GSK3A: variants seen among roughly 807,000 people sequenced by gnomAD.
The protein encoded by GSK3A is glycogen synthase kinase-3 alpha.
In GSK3A, 14 loss-of-function variants were observed where a neutral mutation model predicts 56.6. The ratio of observed to expected loss-of-function variants is 0.25; its 90% confidence interval spans 0.16 to 0.39. GSK3A has a LOEUF of 0.39. GSK3A is among the 10% of genes least tolerant of loss of function. The probability of loss-of-function intolerance (pLI) is 1.00; values close to 1 mark genes in which losing one functional copy is unlikely to be tolerated. For synonymous variants in GSK3A, 301 were observed against 285.0 expected, an observed-to-expected ratio of 1.06 and a Z score of -0.56; for missense variants, 450 against 656.0, an observed-to-expected ratio of 0.69 and a Z score of 3.43.
intron 6 of GSK3A, among the ~76,000 whole-genome samples, chr19:42,233,845 A>C (rs1418602730): frequency 6.6e-6 from 1 of 152,018 alleles, no homozygotes; most frequent in Non-Finnish European, 1.5e-5. Context: ...GTTCATACCT[A>C]AGGACTCCAC....
intron 1 of GSK3A, 100 bp from the exon 2 acceptor site, chr19:42,240,242 G>A (rs577610989): frequency 3.0e-5 from 33 of 1,094,716 alleles, no homozygotes; most frequent in Admixed American, 2.4e-4. Flanking sequence ...CAGGAAGCTC[G>A]TTGGGGACCT....
At chr19:42,232,203 G>A in intron 9 of GSK3A, 54 bp from the exon 10 acceptor site, 2 of 1,136,562 alleles carry the variant, frequency 1.8e-6, no homozygotes, top group East Asian at 4.8e-5. Context: ...GGGTTATGAT[G>A]GGCACCAAAT....
At position 42,232,526 on chromosome 19, in the gene GSK3A, G is replaced by T; in HGVS notation, c.1255C>A (p.Leu419Ile). The part of the protein sequence containing the change: ...LGTQLPNNRP[L>I]PPLFNFSAGE... ...GCACTGAAGTTGAAGAGAGGGGGAAGTGGGCGGTTGTTAGGCAGCTGGGTT... is the reference window on the plus strand; with the variant it reads ...GCACTGAAGTTGAAGAGAGGGGGAATTGGGCGGTTGTTAGGCAGCTGGGTT... The change falls in exon 9 of 11, where the codon CTT (leucine) becomes ATT (isoleucine). Residue 419 changes from leucine (L) to isoleucine (I), a missense_variant. Leu to Ile is a conservative substitution (Grantham distance 5). This residue lies in a region of GSK3A where 113 missense variants were observed against 147.5 expected (regional missense o/e 0.77). Transcript: ENST00000222330. 6.2e-7 allele frequency: 1 copy of T among 1,614,170 alleles called. No individual in the cohort carries two copies. The highest frequency in any genetic ancestry group is 8.5e-7 in the Non-Finnish European group (1 of 1,180,028).
intron 4 of GSK3A, among the ~76,000 whole-genome samples, chr19:42,235,412 A>G (rs2146937391): frequency 6.6e-6 from 1 of 152,176 alleles, no homozygotes; most frequent in African/African-American, 2.4e-5. Context: ...CCCCCTCTCC[A>G]GCTCCATTTT....
At position 42,230,409 on chromosome 19, in the gene GSK3A, T is replaced by C. The variant is rs1258344103; in HGVS notation, c.*385A>G. The C allele has an allele frequency of 1.4e-5, 3 of 214,634 alleles. No individual in the cohort carries two copies. Among genetic ancestry groups the C allele is most frequent in the African/African-American group, 2.3e-5 (1 of 43,414 alleles). The allele number at this position is 214,634 out of a possible 1,614,324, so 13.3% of individuals were successfully genotyped here. ...GACGTTTTCTTTAAGAAAAAAATTA[T>C]AACAATCTATTTACACCCGGGGGCC... On this transcript the variant is annotated 3_prime_UTR_variant, in exon 11 of 11. Transcript: ENST00000222330.
In GSK3A at chr19:42,242,439, G is replaced by A; in HGVS notation, c.27C>T (p.Gly9=). 1 of 1,282,464 alleles carries A rather than the reference G, an allele frequency of 7.8e-7. No homozygotes were observed. Among genetic ancestry groups the A allele is most frequent in the Non-Finnish European group, 9.9e-7 (1 of 1,013,974 alleles). 79.4% of individuals were successfully genotyped at this position (1,282,464 alleles called of 1,614,324 possible). The change falls in exon 1 of 11, where the codon GGC becomes GGT. Residue 9 remains glycine, a synonymous_variant. Transcript: ENST00000222330. ...GCGCCCTGCCCGAGCCCCCAGGGCC[G>A]CCTCCCGAAGGCCCGCCGCCGCTCA... The part of the protein sequence containing the change: MSGGGPSG[G]GPGGSGRART...
Position 42,242,424 on chromosome 19 carries a change from C to T in GSK3A, c.42G>A (p.Ser14=). The T allele has an allele frequency of 7.4e-7, 1 of 1,346,102 alleles. No homozygotes were observed. Among genetic ancestry groups the T allele is most frequent in the South Asian group, 1.7e-5 (1 of 58,112 alleles). 83.4% of individuals were successfully genotyped at this position (1,346,102 alleles called of 1,614,324 possible). A position where few individuals can be genotyped will look rare whatever the true frequency, so the allele number is the denominator to read the frequency against. ...CGAACGAGCTAGTCCGCGCCCTGCC[C>T]GAGCCCCCAGGGCCGCCTCCCGAAG... The part of the protein sequence containing the change: ...GGPSGGGPGG[S]GRARTSSFAE... Residue 14 remains serine, a synonymous_variant, in exon 1 of 11, where the codon TCG becomes TCA. Transcript: ENST00000222330.
rs1272034395 is a variant in GSK3A at position 42,234,158 on chromosome 19, G to A, written c.904+195C>T. On this transcript the variant is annotated intron_variant, in intron 6 of 10. Coordinates refer to ENST00000222330, the MANE Select transcript of GSK3A (RefSeq NM_019884.3). The surrounding 1 kb of genome is among the most constrained non-coding windows in gnomAD (Gnocchi z 5.7). Reference sequence around the variant, plus strand: ...GTCCTGCCCAGTCCTAGTGGTGCCAGTGCGGGCAGGCGGCCTCACAGCTCT... The same window carrying A: ...GTCCTGCCCAGTCCTAGTGGTGCCAATGCGGGCAGGCGGCCTCACAGCTCT... 6.6e-6 allele frequency among the ~76,000 whole-genome samples: 1 copy of A among 152,232 alleles called. No homozygotes were observed. Among genetic ancestry groups the A allele is most frequent in the South Asian group, 2.1e-4 (1 of 4,832 alleles).
chr19:42,240,597 C>T (rs1449123948), intron 1 of GSK3A: 1 of 232,050 alleles, frequency 4.3e-6, no homozygotes, highest in African/African-American at 2.2e-5. Context: ...ACTAACCTCT[C>T]TCACAGCCTA....
At chr19:42,233,439 A>G (rs2036237721) in intron 6 of GSK3A, 56 bp from the exon 7 acceptor site, 2 of 1,155,368 alleles carry the variant, frequency 1.7e-6, no homozygotes, top group South Asian at 1.4e-5. Context: ...CCAACCTCCC[A>G]ATGCTTTTAT....
In GSK3A at chr19:42,234,686, G is replaced by A. The variant is rs575634045; in HGVS notation, c.667-8C>T. The A allele has an allele frequency of 1.0e-5, 16 of 1,576,334 alleles. No homozygotes were observed. The highest frequency in any genetic ancestry group is 9.2e-5 in the East Asian group (4 of 43,258). On this transcript the variant is annotated splice_polypyrimidine_tract_variant and splice_region_variant and intron_variant, in intron 4 of 10. Transcript: ENST00000222330. The surrounding 1 kb of genome is among the most constrained non-coding windows in gnomAD (Gnocchi z 5.7). The stretch of plus-strand genomic sequence containing the variant: ...GAGCTGGTACATGTACACCTGCGGC[G>A]GGCACAGGATAGCAGAACTTTAGCC...
At chr19:42,237,104 C>T (rs1183569670) in intron 2 of GSK3A, among the ~76,000 whole-genome samples, 163 bp from the exon 3 acceptor site, 2 of 152,104 alleles carry the variant, frequency 1.3e-5, no homozygotes, top group Non-Finnish European at 2.9e-5. Flanking sequence ...ATTCCCCTCC[C>T]ACAGGAGCTG....
Position 42,234,237 on chromosome 19 carries a change from G to T in GSK3A, c.904+116C>A. 1 of 770,500 alleles carries T rather than the reference G, an allele frequency of 1.3e-6. No individual in the cohort carries two copies. The highest frequency in any genetic ancestry group is 2.3e-4 in the Middle Eastern group (1 of 4,264). The allele number at this position is 770,500 out of a possible 1,614,324, so 47.7% of individuals were successfully genotyped here. ...AGCATCAGCCTCCTAAGTTTGTGAG[G>T]ACTGGATACAAGAACAGAAGTTAAG... On this transcript the variant is annotated intron_variant, in intron 6 of 10. Coordinates refer to ENST00000222330, the MANE Select transcript of GSK3A (RefSeq NM_019884.3). The surrounding 1 kb of genome is among the most constrained non-coding windows in gnomAD (Gnocchi z 5.7).
chr19:42,235,877 T>G (rs1306099537), intron 4 of GSK3A, among the ~76,000 whole-genome samples: 1 of 152,104 alleles, frequency 6.6e-6, no homozygotes, highest in East Asian at 1.9e-4. Flanking sequence ...AGAGCTCCCC[T>G]CCTGGGAAGT....
Position 42,234,317 on chromosome 19 carries a change from T to A in GSK3A, c.904+36A>T, listed in dbSNP as rs757588530. Reference sequence around the variant, plus strand: ...ACAGAAAACTCCAAAACTTCCCAGATTGCCACTCCCCCCGCCACCCTCCCA... The same window carrying A: ...ACAGAAAACTCCAAAACTTCCCAGAATGCCACTCCCCCCGCCACCCTCCCA... On this transcript the variant is annotated intron_variant, in intron 6 of 10. Transcript: ENST00000222330. The surrounding 1 kb of genome is among the most constrained non-coding windows in gnomAD (Gnocchi z 5.7). 3 of 1,498,616 alleles carry A rather than the reference T, an allele frequency of 2.0e-6. No individual in the cohort carries two copies. The highest frequency in any genetic ancestry group is 2.8e-6 in the Non-Finnish European group (3 of 1,075,058). 92.8% of individuals were successfully genotyped at this position (1,498,616 alleles called of 1,614,324 possible).
In GSK3A at chr19:42,236,712, T is replaced by C; in HGVS notation, c.560A>G (p.Asp187Gly). ...YFFYSSGEKK[D>G]ELYLNLVLEY... ...CAGCACCAGATTTAGGTAAAGCTCG[T>C]CTTTCTGCAGGGAGCAAAGGAGAGG... The change falls in exon 4 of 11, where the codon GAC becomes GGC. Residue 187 changes from aspartate (D) to glycine (G), a missense_variant. Physicochemically the swap from Asp to Gly is moderately conservative, Grantham distance 94. Around this residue, in one of 3 missense-constraint regions of GSK3A, gnomAD observed 144 missense variants for 308.0 expected, o/e 0.47. Transcript: ENST00000222330. The C allele has an allele frequency of 6.2e-7, 1 of 1,612,206 alleles. No individual in the cohort carries two copies. The highest frequency in any genetic ancestry group is 8.5e-7 in the Non-Finnish European group (1 of 1,178,482).
chr19:42,232,298 G>A (rs1047815125), intron 9 of GSK3A, 149 bp from the exon 10 acceptor site: 1 of 745,748 alleles, frequency 1.3e-6, no homozygotes, highest in Non-Finnish European at 2.3e-6. Context: ...AAAAAGCTTA[G>A]CACAAGGCAG....
Position 42,233,113 on chromosome 19 carries a change from T to A in GSK3A, c.1095A>T (p.Thr365=). 1 of 1,581,758 alleles carries A rather than the reference T, an allele frequency of 6.3e-7. No homozygotes were observed. The change falls in exon 8 of 11, where the codon ACA becomes ACT. Residue 365 remains threonine (T), a synonymous_variant. Transcript: ENST00000222330. ...KFPQIKAHPW[T]KVFKSRTPPE... is the part of the protein sequence containing the mutation. ...TGAGCCCCTAGCCCTGCCCCACCTT[T>A]GTCCAGGGGTGAGCTTTAATCTGAG...
At chr19:42,239,785 G>A (rs1462288011) in intron 2 of GSK3A, among the ~76,000 whole-genome samples, 170 bp downstream of exon 2, 1 of 152,004 alleles carries the variant, frequency 6.6e-6, no homozygotes, top group Non-Finnish European at 1.5e-5. Context: ...AAAAGCTCTG[G>A]GCTCTCCTGG....
Sources: allele counts gnomAD v4.1 joint callset (sites outside exome capture counted in the v4.1 genomes callset), GRCh38; gene constraint gnomAD v4.1.1; regional missense constraint gnomAD v4.1.1; non-coding constraint Gnocchi (gnomAD v3.1); transcripts MANE v1.5; gene names NCBI Gene and HGNC (gene_info 2026-07-23, HGNC 2026-07-21).